The following ZNF846 variants were observed in gnomAD, a reference collection of about 807,000 sequenced individuals.
ZNF846 encodes the protein zinc finger protein 420 pseudogene.
ZNF846 carries 15 observed loss-of-function variants against 16.0 expected under a neutral mutation model. The ratio of observed to expected loss-of-function variants is 0.94; its 90% CI spans 0.63 to 1.45. ZNF846 has a LOEUF of 1.45. Ranked by LOEUF, ZNF846 falls within the 40% of genes most tolerant of loss-of-function variation. The pLI, the probability that ZNF846 is intolerant of heterozygous loss-of-function variation, is 0.00. For missense variants in ZNF846, 714 were observed against 622.3 expected (o/e 1.15, Z -1.57); for synonymous variants, 229 against 212.0 (o/e 1.08, Z -0.70).
chr19:9,766,889 ACT>A (rs1315759442), intron 1 of ZNF846, among the ~76,000 whole-genome samples: 1 of 133,980 alleles, frequency 7.5e-6, no homozygotes, highest in Non-Finnish European at 1.5e-5. Flanking sequence ...ACAGAGCAAG[ACT>A]CTGTCTCAAA....
chr19:9,750,856 T>C (rs2045078183), downstream of ZNF846, among the ~76,000 whole-genome samples: 1 of 152,190 alleles, frequency 6.6e-6, no homozygotes, highest in Non-Finnish European at 1.5e-5. Flanking sequence ...TTAGCTGCAG[T>C]TGTCCTCCAG....
exon 4 of ZNF846, chr19:9,762,122 T>A: frequency 6.2e-7 from 1 of 1,614,086 alleles, no homozygotes; most frequent in Non-Finnish European, 8.5e-7. Context: ...GCTCTTCCAT[T>A]TGTTCCAATC....
At chr19:9,766,186 G>A (rs960093834) in intron 1 of ZNF846, among the ~76,000 whole-genome samples, 4 of 151,866 alleles carry the variant, frequency 2.6e-5, no homozygotes, top group Non-Finnish European at 2.9e-5. Flanking sequence ...TTGGGAGGCC[G>A]AGGTGGGCAG....
At chr19:9,751,372 CTTATTT>C (rs2045082395), downstream of ZNF846, among the ~76,000 whole-genome samples, 1 of 152,078 alleles carries the variant, frequency 6.6e-6, no homozygotes, top group South Asian at 2.1e-4. Context: ...TTTCACTATT[CTTATTT>C]TATTTATTAT....
chr19:9,757,677 A>T (rs769683609), exon 6 of ZNF846: 7 of 1,613,206 alleles, frequency 4.3e-6, no homozygotes, highest in Non-Finnish European at 5.9e-6. Context: ...TCGCATGTGC[A>T]TATTAAGATT....
At chr19:9,749,546 C>CTTTTTTTTTTTTTTTTTTTTTTTTTTT, downstream of ZNF846, among the ~76,000 whole-genome samples, 1 of 125,562 alleles carries the variant, frequency 8.0e-6, no homozygotes, top group Non-Finnish European at 1.6e-5. Flanking sequence ...ATAAGTCTTT[C>CTTTTTTTTTTTTTTTTTTTTTTTTTTT]TTTTTTTTTT....
At chr19:9,757,607 G>A (rs1349541714) in exon 6 of ZNF846, 1 of 1,613,604 alleles carries the variant, frequency 6.2e-7, no homozygotes, top group South Asian at 1.1e-5. Flanking sequence ...TAAGGTATGT[G>A]GAATACCTGA....
intron 1 of ZNF846, among the ~76,000 whole-genome samples, chr19:9,766,996 A>T (rs559140213): frequency 1.7e-3 from 249 of 145,784 alleles, no homozygotes; most frequent in African/African-American, 5.7e-3. Flanking sequence ...TTATTTATTT[A>T]TTTTTTTTTT....
chr19:9,758,550 T>G, exon 6 of ZNF846: 1 of 1,613,162 alleles, frequency 6.2e-7, no homozygotes, highest in Non-Finnish European at 8.5e-7. Context: ...GAAGGCTTTT[T>G]CATGTTTAAC....
At chr19:9,777,446 G>A (rs2045457871) in intron 1 of ZNF846, among the ~76,000 whole-genome samples, 1 of 152,014 alleles carries the variant, frequency 6.6e-6, no homozygotes, top group South Asian at 2.1e-4. Context: ...GTCGAGGTGG[G>A]CAGATCACGA....
chr19:9,777,181 G>A (rs1353238882), intron 1 of ZNF846, among the ~76,000 whole-genome samples: 1 of 149,342 alleles, frequency 6.7e-6, no homozygotes, highest in East Asian at 2.0e-4. Context: ...ACACACAATT[G>A]GATGGCCAAG....
chr19:9,754,251 C>A (rs927477641), downstream of ZNF846, among the ~76,000 whole-genome samples: 8 of 151,452 alleles, frequency 5.3e-5, no homozygotes, highest in Non-Finnish European at 1.2e-4. Context: ...TAACTTTCAA[C>A]CTTTTTTGTC....
At chr19:9,755,133 G>A (rs2045120949), downstream of ZNF846, among the ~76,000 whole-genome samples, 1 of 151,400 alleles carries the variant, frequency 6.6e-6, no homozygotes. Context: ...CAAAGTGCTG[G>A]AATTAGAAGC....
At chr19:9,756,029 T>A (rs1026077254), downstream of ZNF846, 4 of 148,582 alleles carry the variant, frequency 2.7e-5, no homozygotes, top group Non-Finnish European at 5.9e-5. Context: ...TTAGTAGAGA[T>A]GAGGTTTAAC....
downstream of ZNF846, chr19:9,756,358 T>TATATAA (rs1271798453): frequency 8.2e-6 from 1 of 122,126 alleles, no homozygotes; most frequent in African/African-American, 3.9e-5. Flanking sequence ...TATATATATA[T>TATATAA]ATATATATAT....
chr19:9,761,447 C>G (rs920753664), intron 4 of ZNF846, among the ~76,000 whole-genome samples: 3 of 151,738 alleles, frequency 2.0e-5, no homozygotes, highest in Non-Finnish European at 4.4e-5. Context: ...AAAACTATCA[C>G]TACACCTGTA....
intron 1 of ZNF846, among the ~76,000 whole-genome samples, chr19:9,778,532 C>A (rs940574481): frequency 6.6e-6 from 1 of 152,162 alleles, no homozygotes; most frequent in African/African-American, 2.4e-5. Context: ...GGGCCGGGCA[C>A]TGTGGCTCAG....
At position 9,758,882 on chromosome 19, in the gene ZNF846, T is replaced by C. The variant is rs2045178049; in HGVS notation, c.313-118A>G. ...TATTTAAACATTTTAACATATCCATTATATGTACAGAGTTCCAGCCCCATT... is the reference window on the plus strand; with the variant it reads ...TATTTAAACATTTTAACATATCCATCATATGTACAGAGTTCCAGCCCCATT... On this transcript the variant is annotated intron_variant, in intron 5 of 5. Coordinates refer to ENST00000397902, the Ensembl canonical transcript of ZNF846. The C allele has an allele frequency of 8.0e-6, 7 of 877,286 alleles. No homozygotes were observed. In the South Asian group the frequency reaches 1.4e-4, roughly 18 times the overall value. The allele number at this position is 877,286 out of a possible 1,614,324, so 54.3% of individuals were successfully genotyped here. A position where few individuals can be genotyped will look rare whatever the true frequency, so the allele number is the denominator to read the frequency against.
At chr19:9,757,440 A>C (rs1360884038), downstream of ZNF846, 1 of 1,484,856 alleles carries the variant, frequency 6.7e-7, no homozygotes, top group Non-Finnish European at 9.0e-7. Context: ...TTTCCAGATG[A>C]GTTTAGATGT....
Sources: gnomAD v4.1 joint callset for allele counts (sites outside exome capture counted in the v4.1 genomes callset) on GRCh38, gnomAD v4.1.1 for gene constraint, MANE v1.5 for transcripts, NCBI Gene and HGNC (gene_info 2026-07-23, HGNC 2026-07-21) for gene names.